ANGPT4: variants seen among roughly 807,000 people sequenced by gnomAD.
ANGPT4 encodes angiopoietin 4.
In ANGPT4, 50 loss-of-function variants were observed where a neutral mutation model predicts 53.0. The ratio of observed to expected loss-of-function variants is 0.94; its 90% CI spans 0.75 to 1.20. The LOEUF is 1.20. Ranked by LOEUF, ANGPT4 falls within the 50% of genes most tolerant of loss-of-function variation. The pLI is 0.00. For synonymous variants in ANGPT4, 251 were observed against 259.7 expected (o/e 0.97, Z 0.32); for missense variants, 648 against 637.1 (o/e 1.02, Z -0.18).
rs1237151956 is a variant in ANGPT4 at position 870,670 on chromosome 20, T to C, written c.*2290A>G. On this transcript the variant is annotated 3_prime_UTR_variant, in exon 9 of 9. Coordinates refer to ENST00000381922, the MANE Select transcript of ANGPT4 (RefSeq NM_015985.4). ...GTTCTGTCCCTGGGCCTCACAGCTT[T>C]GCCCTGTCTCCTCTCTAGCTTGCAG... The C allele has an allele frequency of 6.6e-6, 1 of 152,224 alleles. No individual in the cohort carries two copies. Among genetic ancestry groups the C allele is most frequent in the Non-Finnish European group, 1.5e-5 (1 of 68,056 alleles). 9.4% of individuals were successfully genotyped at this position (152,224 alleles called of 1,614,324 possible). A position where few individuals can be genotyped will look rare whatever the true frequency, so the allele number is the denominator to read the frequency against.
Position 906,027 on chromosome 20 carries a change from T to C in ANGPT4, c.309+9879A>G, listed in dbSNP as rs139143314. ...CACCCTTAGCCACTCGGTGGGCTGC[T>C]TGTGGCAGCTAGCCTTCAGGATGAC... On this transcript the variant is annotated intron_variant, in intron 1 of 8. Transcript: ENST00000381922. Among the ~76,000 whole-genome samples the C allele has an allele frequency of 1.9e-3, 289 of 152,350 alleles. 8 individuals carry two copies. In the East Asian group the frequency reaches 0.047, roughly 25 times the overall value.
intron 1 of ANGPT4, among the ~76,000 whole-genome samples, chr20:912,811 G>A (rs1982758063): frequency 6.6e-6 from 1 of 152,182 alleles, no homozygotes; most frequent in South Asian, 2.1e-4. Flanking sequence ...AAACTCTGCA[G>A]TAGAAGGGAG....
Position 885,320 on chromosome 20 carries a change from A to C in ANGPT4, c.593T>G (p.Leu198Arg), listed in dbSNP as rs1160527222. ...CTCCAGGGCCTGCAACCGCTTCTCG[A>C]GCGCGCTGCGGGGTAGGGGGCGCAC... ...LQQLQGQNSA[L>R]EKRLQALETK... Residue 198 changes from leucine to arginine, a missense_variant, in exon 4 of 9, where the codon CTC (leucine) becomes CGC (arginine). Leu to Arg is a moderately radical substitution (Grantham distance 102, BLOSUM62 -2). Transcript: ENST00000381922. 7.0e-6 allele frequency: 11 copies of C among 1,580,546 alleles called. No homozygotes were observed. Among genetic ancestry groups the C allele is most frequent in the African/African-American group, 1.3e-5 (1 of 74,620 alleles).
chr20:904,177 T>C (rs1315834007), intron 1 of ANGPT4, among the ~76,000 whole-genome samples: 1 of 152,226 alleles, frequency 6.6e-6, no homozygotes, highest in Non-Finnish European at 1.5e-5. Context: ...AACAAATTTT[T>C]CTGTCCCTGC....
chr20:883,280 G>T (rs6118072), intron 4 of ANGPT4, among the ~76,000 whole-genome samples: 1 of 152,244 alleles, frequency 6.6e-6, no homozygotes, highest in Non-Finnish European at 1.5e-5. Context: ...GCATATGTAA[G>T]GTTGGGCAAA....
In ANGPT4 at chr20:876,145, A is replaced by C. The variant is rs59921698; in HGVS notation, c.1221-1731T>G. 4.4e-3 allele frequency among the ~76,000 whole-genome samples: 164 copies of C among 37,558 alleles called. 2 individuals are homozygous for C. The highest frequency in any genetic ancestry group is 0.017 in the Middle Eastern group (1 of 58). The allele number at this position is 37,558 out of a possible 152,430, so 24.6% of individuals were successfully genotyped here. A position where few individuals can be genotyped will look rare whatever the true frequency, so the allele number is the denominator to read the frequency against. ...TGGGCAACAGAGTAAGCCCTGTCTC[A>C]AAAAAAAAAAAAAAAAAAAAGAAGG... On this transcript the variant is annotated intron_variant, in intron 7 of 8. Coordinates refer to ENST00000381922, the MANE Select transcript of ANGPT4 (RefSeq NM_015985.4).
intron 6 of ANGPT4, among the ~76,000 whole-genome samples, chr20:879,334 A>T (rs74689242): frequency 0.03 from 4,493 of 152,244 alleles, 91 homozygotes; most frequent in East Asian, 0.045. Flanking sequence ...AATACATGTG[A>T]TCTTTGGGCC....
intron 1 of ANGPT4, among the ~76,000 whole-genome samples, chr20:912,788 T>C (rs1982757045): frequency 6.6e-6 from 1 of 151,780 alleles, no homozygotes; most frequent in Non-Finnish European, 1.5e-5. Context: ...AGAGTGCGTA[T>C]CTGGGGACTT....
At chr20:890,099 C>T in intron 2 of ANGPT4, 114 bp downstream of exon 2, 1 of 1,330,558 alleles carries the variant, frequency 7.5e-7, no homozygotes, top group East Asian at 2.4e-5. Flanking sequence ...GGCTACAGGC[C>T]CAGAGGAGGC....
chr20:908,517 G>C lies in ANGPT4; in HGVS notation c.309+7389C>G, dbSNP rs982424408. On this transcript the variant is annotated intron_variant, in intron 1 of 8. Transcript: ENST00000381922. The surrounding 1 kb of genome is among the most constrained non-coding windows in gnomAD (Gnocchi z 4.9). ...CCATTATCCACCCCTAGCATCTCTC[G>C]GTCCCTCCTTCATGGCACATATCAT... 6.6e-6 allele frequency among the ~76,000 whole-genome samples: 1 copy of C among 151,996 alleles called. No individual in the cohort carries two copies. Among genetic ancestry groups the C allele is most frequent in the African/African-American group, 2.4e-5 (1 of 41,372 alleles).
intron 2 of ANGPT4, among the ~76,000 whole-genome samples, chr20:889,179 C>A (rs73892516): frequency 0.013 from 1,944 of 151,984 alleles, 41 homozygotes; most frequent in African/African-American, 0.045. Flanking sequence ...CTCATCCCCC[C>A]CCACCACTCC....
chr20:891,744 C>T (rs1981855052), intron 1 of ANGPT4, among the ~76,000 whole-genome samples: 1 of 152,254 alleles, frequency 6.6e-6, no homozygotes, highest in Admixed American at 6.5e-5. Flanking sequence ...TGACTGTTCA[C>T]TCCCATCCCT....
At chr20:875,950 G>A (rs2015567) in intron 7 of ANGPT4, among the ~76,000 whole-genome samples, 19,343 of 151,818 alleles carry the variant, frequency 0.13, 1,652 homozygotes, top group African/African-American at 0.24. Flanking sequence ...GGCAACATAG[G>A]GAAACCCTGT....
At chr20:889,839 C>A (rs1408000685) in intron 2 of ANGPT4, among the ~76,000 whole-genome samples, 2 of 152,198 alleles carry the variant, frequency 1.3e-5, no homozygotes, top group Non-Finnish European at 2.9e-5. Context: ...TGCTCAGATA[C>A]CTCTTCTCTC....
intron 5 of ANGPT4, 93 bp from the exon 6 acceptor site, chr20:879,941 C>T (rs529248812): frequency 5.7e-4 from 454 of 795,152 alleles, no homozygotes; most frequent in Middle Eastern, 3.6e-4. Flanking sequence ...CAGACAGACC[C>T]CCACAGAGCA....
At chr20:890,184 T>A in intron 2 of ANGPT4, 29 bp downstream of exon 2, 1 of 1,604,908 alleles carries the variant, frequency 6.2e-7, no homozygotes, top group Non-Finnish European at 8.5e-7. Context: ...CCACAGGCCC[T>A]CAGTGCCCAC....
At chr20:875,820 T>C (rs996239559) in intron 7 of ANGPT4, among the ~76,000 whole-genome samples, 2 of 151,916 alleles carry the variant, frequency 1.3e-5, no homozygotes, top group Non-Finnish European at 2.9e-5. Context: ...GGGAGCCAAT[T>C]TGGGAGCAAT....
intron 1 of ANGPT4, among the ~76,000 whole-genome samples, chr20:910,867 C>T (rs2144150): frequency 0.025 from 3,851 of 152,174 alleles, 95 homozygotes; most frequent in South Asian, 0.093. Context: ...ATCCCCAGGC[C>T]GAGGGTATCT....
chr20:903,575 C>G (rs903052675), intron 1 of ANGPT4, among the ~76,000 whole-genome samples: 1 of 152,206 alleles, frequency 6.6e-6, no homozygotes, highest in Non-Finnish European at 1.5e-5. Flanking sequence ...GCCTTGGGTC[C>G]CGTGTGGCTT....
Sources: gnomAD v4.1 joint callset for allele counts (sites outside exome capture counted in the v4.1 genomes callset) on GRCh38, gnomAD v4.1.1 for gene constraint, Gnocchi (gnomAD v3.1) non-coding constraint, MANE v1.5 for transcripts, NCBI Gene and HGNC (gene_info 2026-07-23, HGNC 2026-07-21) for gene names.